The following RB1CC1 variants were observed in gnomAD, a reference collection of about 807,000 sequenced individuals.
RB1CC1 encodes RB1 inducible coiled-coil 1.
RB1CC1 carries 46 observed loss-of-function variants against 177.5 expected under a neutral mutation model. The observed-to-expected ratio is 0.26, with a 90% CI of 0.20 to 0.33. The LOEUF is 0.33. RB1CC1 is among the 10% of genes least tolerant of loss of function. The pLI is 1.00. For missense variants in RB1CC1, 1,703 were observed against 1,816.3 expected, an observed-to-expected ratio of 0.94 and a Z score of 1.13; for synonymous variants, 666 against 613.6, an observed-to-expected ratio of 1.09 and a Z score of -1.26.
At chr8:52,694,783 A>G (rs1855223998) in intron 1 of RB1CC1, among the ~76,000 whole-genome samples, 1 of 152,232 alleles carries the variant, frequency 6.6e-6, no homozygotes, top group Non-Finnish European at 1.5e-5. Context: ...TCTTTCTAAC[A>G]GATGATAGAC....
intron 11 of RB1CC1, 98 bp from the exon 12 acceptor site, chr8:52,660,755 C>T: frequency 8.1e-7 from 1 of 1,236,992 alleles, no homozygotes; most frequent in Admixed American, 2.5e-5. Flanking sequence ...GTTGACAGTA[C>T]TTCAAGTTTA....
chr8:52,707,925 C>T (rs992063552), intron 1 of RB1CC1, among the ~76,000 whole-genome samples: 2 of 152,150 alleles, frequency 1.3e-5, no homozygotes, highest in African/African-American at 4.8e-5. Flanking sequence ...GTAACCTCCA[C>T]ATATCAGTTG....
chr8:52,692,233 ACTGT>A (rs1194063536), intron 1 of RB1CC1, among the ~76,000 whole-genome samples: 1 of 152,086 alleles, frequency 6.6e-6, no homozygotes, highest in Non-Finnish European at 1.5e-5. Flanking sequence ...AAATAATAAA[ACTGT>A]CTGCTCTCAT....
chr8:52,657,339 C>T lies in RB1CC1; in HGVS notation c.2490G>A (p.Gln830=), dbSNP rs1463136193. 2 of 1,613,642 alleles carry T rather than the reference C, an allele frequency of 1.2e-6. No homozygotes were observed. Among genetic ancestry groups the T allele is most frequent in the African/African-American group, 2.7e-5 (2 of 74,924 alleles). Residue 830 remains glutamine (Q), a synonymous_variant, in exon 15 of 24, where the codon CAG becomes CAA. Transcript: ENST00000025008. ...CHFRTFVQKE[Q]CDFSNSLKCT... Reference sequence around the variant, plus strand: ...ATTTTAATGAATTTGAGAAGTCACACTGTTCTTTTTGTACAAATGTTCTAA... The same window carrying T: ...ATTTTAATGAATTTGAGAAGTCACATTGTTCTTTTTGTACAAATGTTCTAA...
At chr8:52,669,338 C>A (rs535227213) in intron 7 of RB1CC1, among the ~76,000 whole-genome samples, 2 of 152,292 alleles carry the variant, frequency 1.3e-5, no homozygotes, top group African/African-American at 4.8e-5. Context: ...GTTTTTCTAT[C>A]TCTGATCTTT....
In RB1CC1 at chr8:52,649,631, G is replaced by A. The variant is rs574243125; in HGVS notation, c.3822-3764C>T. ...AGCCTGGGCAACAGAGTGAGACTCC[G>A]TCTCAAAAAAATAATAAAATAAAAA... On this transcript the variant is annotated intron_variant, in intron 15 of 23. Coordinates refer to ENST00000025008, the MANE Select transcript of RB1CC1 (RefSeq NM_014781.5). Among the ~76,000 whole-genome samples, 33 of 152,182 alleles carry A rather than the reference G, an allele frequency of 2.2e-4. No homozygotes were observed. The Middle Eastern group carries it at 0.01, about 47-fold the overall frequency.
chr8:52,696,805 C>T (rs1855457092), intron 1 of RB1CC1, among the ~76,000 whole-genome samples: 1 of 152,098 alleles, frequency 6.6e-6, no homozygotes, highest in Admixed American at 6.6e-5. Context: ...GAGTTCAAGA[C>T]CAGCCTGGGT....
chr8:52,635,104 T>A, intron 19 of RB1CC1, 136 bp from the exon 20 acceptor site: 1 of 720,174 alleles, frequency 1.4e-6, no homozygotes, highest in East Asian at 2.9e-5. Flanking sequence ...TTATTTTCTA[T>A]GAATTCTTTC....
Position 52,645,834 on chromosome 8 carries a change from T to C in RB1CC1, c.3855A>G (p.Ser1285=). ...TTTCTTGAAGTTCAGCAACTAAGCT[T>C]GAAGAATCTCCTCTGGTAGAGTCAA... The part of the protein sequence containing the change: ...PAIDSTRGDS[S]SLVAELQEKL... The change falls in exon 16 of 24, where the codon TCA becomes TCG. Residue 1285 remains serine (S), a synonymous_variant. Transcript: ENST00000025008. The C allele has an allele frequency of 6.2e-7, 1 of 1,609,700 alleles. No homozygotes were observed. Among genetic ancestry groups the C allele is most frequent in the Non-Finnish European group, 8.5e-7 (1 of 1,178,968 alleles).
In RB1CC1 at chr8:52,622,887, T is replaced by A. The variant is rs970048588; in HGVS notation, c.*895A>T. 2 of 152,160 alleles carry A rather than the reference T, an allele frequency of 1.3e-5. No homozygotes were observed. Among genetic ancestry groups the A allele is most frequent in the Non-Finnish European group, 3.0e-5 (2 of 67,640 alleles). The allele number at this position is 152,160 out of a possible 1,614,324, so 9.4% of individuals were successfully genotyped here. ...TATCCTTCTTTAAAAGGCACACACA[T>A]TTACAGGTTCAAATCTTTATTGTTT... On this transcript the variant is annotated 3_prime_UTR_variant, in exon 24 of 24. Coordinates refer to ENST00000025008, the MANE Select transcript of RB1CC1 (RefSeq NM_014781.5).
intron 1 of RB1CC1, among the ~76,000 whole-genome samples, chr8:52,699,830 A>AAAAT (rs1554557119): frequency 4.9e-4 from 13 of 26,722 alleles, no homozygotes; most frequent in African/African-American, 7.0e-4. Flanking sequence ...AAAAAAAAAA[A>AAAAT]ATATATATAT....
chr8:52,638,494 TTCTCTC>T (rs1849323268), intron 18 of RB1CC1, among the ~76,000 whole-genome samples: 1 of 152,076 alleles, frequency 6.6e-6, no homozygotes, highest in Admixed American at 6.6e-5. Flanking sequence ...TTGGGAAGAG[TTCTCTC>T]CTATTTTTTA....
rs1395972487 is a variant in RB1CC1 at position 52,657,525 on chromosome 8, A to G, written c.2304T>C (p.Val768=). 6.2e-7 allele frequency: 1 copy of G among 1,614,020 alleles called. No homozygotes were observed. The highest frequency in any genetic ancestry group is 1.7e-5 in the Admixed American group (1 of 60,024). The change falls in exon 15 of 24, where the codon GTT becomes GTC. Residue 768 remains valine, a synonymous_variant. Transcript: ENST00000025008. Reference sequence around the variant, plus strand: ...TTCGTCTACTGTCTATCGCATTGATAACTGATGAATAAAGTGATTCCACCA... The same window carrying G: ...TTCGTCTACTGTCTATCGCATTGATGACTGATGAATAAAGTGATTCCACCA... ...EMMVESLYSS[V]INAIDSRRMQ...
chr8:52,656,063 C>A lies in RB1CC1; in HGVS notation c.3766G>T (p.Val1256Phe), dbSNP rs1335860854. Residue 1256 changes from valine (V) to phenylalanine (F), a missense_variant, in exon 15 of 24, where the codon GTT (valine) becomes TTT (phenylalanine). This residue lies in a region of RB1CC1 where 1,169 missense variants were observed against 1,184.7 expected (regional missense o/e 0.99). Coordinates refer to ENST00000025008, the MANE Select transcript of RB1CC1 (RefSeq NM_014781.5). ...LKEFKLEREVVEKELLEKVKH... is the reference protein window; with the variant it reads ...LKEFKLEREVFEKELLEKVKH... ...ACTTTTTCTAATAACTCTTTCTCAA[C>A]AACTTCTCTCTCCAATTTAAATTCT... 6.2e-7 allele frequency: 1 copy of A among 1,612,954 alleles called. No homozygotes were observed. The highest frequency in any genetic ancestry group is 8.5e-7 in the Non-Finnish European group (1 of 1,179,646).
chr8:52,674,101 G>A lies in RB1CC1; in HGVS notation c.746C>T (p.Thr249Ile), dbSNP rs745648739. 7 of 1,614,132 alleles carry A rather than the reference G, an allele frequency of 4.3e-6. No individual in the cohort carries two copies. The East Asian group carries it at 1.3e-4, about 31-fold the overall frequency. Residue 249 changes from threonine (T) to isoleucine (I), a missense_variant, in exon 7 of 24, where the codon ACA becomes ATA. Physicochemically the swap from Thr to Ile is moderately conservative, Grantham distance 89. Coordinates refer to ENST00000025008, the MANE Select transcript of RB1CC1 (RefSeq NM_014781.5). ...TGAGGTTAACAAAGATTCGTTAGTT[G>A]TTCTAGGCATATCAGGAGAGAGCAC... The part of the protein sequence containing the change: ...ELVLSPDMPR[T>I]TNESLLTSFP...
chr8:52,690,424 G>A (rs1406932923), intron 1 of RB1CC1, among the ~76,000 whole-genome samples: 1 of 152,208 alleles, frequency 6.6e-6, no homozygotes, highest in Non-Finnish European at 1.5e-5. Context: ...TCTTGAAGGA[G>A]AAAGCAGCAT....
chr8:52,701,310 A>C (rs558872042), intron 1 of RB1CC1, among the ~76,000 whole-genome samples: 34 of 152,162 alleles, frequency 2.2e-4, no homozygotes, highest in Non-Finnish European at 4.4e-4. Context: ...TTTTTAGTAG[A>C]GACAGGGTTT....
chr8:52,707,432 CTTTTTTTTTTT>C (rs386412758), intron 1 of RB1CC1, among the ~76,000 whole-genome samples: 1 of 128,850 alleles, frequency 7.8e-6, no homozygotes, highest in African/African-American at 2.9e-5. Flanking sequence ...TTCTTTCTTT[CTTTTTTTTTTT>C]TTTTTTTTAC....
rs920219316 is a variant in RB1CC1, at chr8:52,642,369, G to A, written c.4319C>T (p.Thr1440Ile). 3.7e-6 allele frequency: 6 copies of A among 1,613,862 alleles called. No individual in the cohort carries two copies. The highest frequency in any genetic ancestry group is 5.1e-6 in the Non-Finnish European group (6 of 1,179,820). The change falls in exon 18 of 24, where the codon ACA becomes ATA. Residue 1440 changes from threonine (T) to isoleucine (I), a missense_variant. Transcript: ENST00000025008. ...TACTTACTGTACAGACATCATGCTTGTCTCCATTGCTGAATCCACTCTTCC... is the reference window on the plus strand; with the variant it reads ...TACTTACTGTACAGACATCATGCTTATCTCCATTGCTGAATCCACTCTTCC... Reference protein sequence around the residue: ...DEGRVDSAMETSMMSVQENIH... With the variant: ...DEGRVDSAMEISMMSVQENIH...
Sources: gnomAD v4.1 joint callset for allele counts (sites outside exome capture counted in the v4.1 genomes callset) on GRCh38, gnomAD v4.1.1 for gene constraint, gnomAD v4.1.1 regional missense constraint, MANE v1.5 for transcripts, NCBI Gene and HGNC (gene_info 2026-07-23, HGNC 2026-07-21) for gene names.